F5: variants seen among roughly 807,000 people sequenced by gnomAD.
F5 encodes coagulation factor V.
Under a neutral mutation model 216.4 loss-of-function variants are expected in F5, and 138 were observed. The observed-to-expected ratio is 0.64, with a 90% CI of 0.56 to 0.73. The LOEUF (loss-of-function observed/expected upper bound fraction) is 0.73, where lower values mean the gene tolerates loss of function less well. Ranked by LOEUF, F5 falls within the 30% of genes least tolerant of loss-of-function variation. The pLI is 0.00. For synonymous variants in F5, 916 were observed against 930.7 expected, an observed-to-expected ratio of 0.98 and a Z score of 0.29; for missense variants, 2,403 against 2,674.0, an observed-to-expected ratio of 0.90 and a Z score of 2.24.
rs1295038542 is a variant in F5, at chr1:169,585,280, T to C, written c.158+949A>G. 2.6e-5 allele frequency among the ~76,000 whole-genome samples: 4 copies of C among 152,222 alleles called. No individual in the cohort carries two copies. The East Asian group carries it at 7.7e-4, about 29-fold the overall frequency. On this transcript the variant is annotated intron_variant, in intron 1 of 24. Transcript: ENST00000367797. ...ACAATGAGAGTTTTAAAAAGGTTAA[T>C]ATTATACACTAAAAGATCTCAAAAT...
chr1:169,580,149 T>C (rs80114822), intron 2 of F5, among the ~76,000 whole-genome samples: 225 of 152,288 alleles, frequency 1.5e-3, no homozygotes, highest in African/African-American at 5.1e-3. Flanking sequence ...TTTTCAGCTA[T>C]CAATCTAGAA....
chr1:169,537,333 A>G (rs1359990780), intron 13 of F5, among the ~76,000 whole-genome samples: 1 of 152,176 alleles, frequency 6.6e-6, no homozygotes, highest in Non-Finnish European at 1.5e-5. Flanking sequence ...AAGTCACTGG[A>G]TGGGTGAATG....
intron 12 of F5, among the ~76,000 whole-genome samples, chr1:169,543,916 C>T (rs1659933130): frequency 6.6e-6 from 1 of 152,198 alleles, no homozygotes; most frequent in South Asian, 2.1e-4. Flanking sequence ...GTTGCTGAAG[C>T]AGCCTTTAAG....
chr1:169,547,030 T>G (rs67790508), intron 10 of F5, among the ~76,000 whole-genome samples: 11,485 of 151,160 alleles, frequency 0.076, 1,538 homozygotes, highest in East Asian at 0.64. Context: ...TCGTGGCTTA[T>G]GCCTGTAATC....
At chr1:169,552,325 C>G (rs1361334680) in intron 8 of F5, among the ~76,000 whole-genome samples, 1 of 152,066 alleles carries the variant, frequency 6.6e-6, no homozygotes, top group Non-Finnish European at 1.5e-5. Context: ...GTATTCTATC[C>G]CAATTACATA....
In F5 at chr1:169,519,323, A is replaced by C. The variant is rs566607119; in HGVS notation, c.6194-760T>G. On this transcript the variant is annotated intron_variant, in intron 22 of 24. Coordinates refer to ENST00000367797, the MANE Select transcript of F5 (RefSeq NM_000130.5). ...CAAGAAAATGAATAAGAAGAAAATA[A>C]TGCTTCTTGTATAAAAAATAGATGT... 3.3e-5 allele frequency among the ~76,000 whole-genome samples: 5 copies of C among 152,332 alleles called. No homozygotes were observed. In the South Asian group the frequency reaches 8.3e-4, roughly 25 times the overall value.
At chr1:169,584,325 C>T (rs9332490) in intron 1 of F5, among the ~76,000 whole-genome samples, 4,573 of 152,160 alleles carry the variant, frequency 0.03, 222 homozygotes, top group African/African-American at 0.1. Flanking sequence ...ACAATGTGTA[C>T]GACGAGTTTT....
At chr1:169,521,471 G>T (rs953954523) in intron 21 of F5, among the ~76,000 whole-genome samples, 1 of 152,106 alleles carries the variant, frequency 6.6e-6, no homozygotes, top group Non-Finnish European at 1.5e-5. Context: ...CAGTAAACAG[G>T]CTGTGCCCTA....
chr1:169,572,597 T>C (rs995550281), intron 2 of F5, among the ~76,000 whole-genome samples: 1 of 152,240 alleles, frequency 6.6e-6, no homozygotes, highest in Admixed American at 6.5e-5. Flanking sequence ...GGAGAAATAG[T>C]TCTGGCCAAG....
intron 22 of F5, 57 bp downstream of exon 22, chr1:169,520,463 T>C: frequency 6.2e-7 from 1 of 1,607,278 alleles, no homozygotes; most frequent in Admixed American, 1.7e-5. Context: ...CTCCTATACC[T>C]CCCAAATCTT....
chr1:169,519,637 G>A (rs542725558), intron 22 of F5, among the ~76,000 whole-genome samples: 2 of 152,240 alleles, frequency 1.3e-5, no homozygotes, highest in East Asian at 3.9e-4. Flanking sequence ...GTGAATCATG[G>A]TGGCTTCTCT....
intron 14 of F5, among the ~76,000 whole-genome samples, chr1:169,533,216 C>T (rs144640738): frequency 6.6e-6 from 1 of 152,154 alleles, no homozygotes; most frequent in East Asian, 1.9e-4. Flanking sequence ...AACTGAACCC[C>T]AATGAATCCA....
At position 169,544,335 on chromosome 1, in the gene F5, T is replaced by C. The variant is rs1463587202; in HGVS notation, c.1936A>G (p.Met646Val). ...GTGACCGTCACAGATTCTCCACGCA[T>C]GGGGAAGAGGGTCAAGGTGTCCTCA... ...RHEDTLTLFP[M>V]RGESVTVTMD... The change falls in exon 12 of 25, where the codon ATG (methionine) becomes GTG (valine). Residue 646 changes from methionine to valine, a missense_variant. Met to Val is a conservative substitution (Grantham distance 21, BLOSUM62 1). Coordinates refer to ENST00000367797, the MANE Select transcript of F5 (RefSeq NM_000130.5). The C allele has an allele frequency of 6.8e-6, 11 of 1,613,976 alleles. No individual in the cohort carries two copies. The highest frequency in any genetic ancestry group is 9.3e-6 in the Non-Finnish European group (11 of 1,179,982).
intron 8 of F5, among the ~76,000 whole-genome samples, chr1:169,552,087 CATCTACTGT>C (rs1372718184): frequency 1.3e-5 from 2 of 152,074 alleles, no homozygotes; most frequent in African/African-American, 4.8e-5. Context: ...TCAAGGATGC[CATCTACTGT>C]ATCACTCAGC....
At position 169,529,815 on chromosome 1, in the gene F5, T is replaced by C. The variant is rs745751866; in HGVS notation, c.5212A>G (p.Lys1738Glu). 6 of 1,612,992 alleles carry C rather than the reference T, an allele frequency of 3.7e-6. No individual in the cohort carries two copies. Among genetic ancestry groups the C allele is most frequent in the Middle Eastern group, 1.6e-4 (1 of 6,074 alleles). The change falls in exon 16 of 25, where the codon AAA becomes GAA. Residue 1738 changes from lysine (K) to glutamate (E), a missense_variant. Physicochemically the swap from Lys to Glu is moderately conservative, Grantham distance 56. Around this residue, in one of 4 missense-constraint regions of F5, gnomAD observed 659 missense variants for 787.9 expected, o/e 0.84. Transcript: ENST00000367797. The stretch of plus-strand genomic sequence containing the variant: ...CCTATCAAGCCTGAGTGAATATCTT[T>C]TTCCTGGAAAAACAGAGTAAATTGT... ...WAYYSAVNPE[K>E]DIHSGLIGPL...
At chr1:169,559,123 T>C in intron 5 of F5, 30 bp downstream of exon 5, 1 of 1,613,176 alleles carries the variant, frequency 6.2e-7, no homozygotes, top group Non-Finnish European at 8.5e-7. Flanking sequence ...GATTTTACTG[T>C]TGTTTAATGG....
intron 3 of F5, among the ~76,000 whole-genome samples, chr1:169,564,971 A>G (rs1009282030): frequency 6.6e-6 from 1 of 151,924 alleles, no homozygotes; most frequent in East Asian, 1.9e-4. Context: ...TGTATGATTT[A>G]CCTCTACTTC....
intron 3 of F5, among the ~76,000 whole-genome samples, chr1:169,561,622 C>T (rs1160529465): frequency 2.0e-5 from 3 of 152,094 alleles, no homozygotes; most frequent in African/African-American, 7.2e-5. Context: ...TGAACAGTTT[C>T]CTCTGCCTGA....
chr1:169,520,707 T>C (rs371202073), intron 21 of F5, 43 bp from the exon 22 acceptor site: 2 of 1,543,726 alleles, frequency 1.3e-6, no homozygotes, highest in Non-Finnish European at 1.8e-6. Flanking sequence ...CAATGATCTA[T>C]AAAGTGACTT....
Sources: gnomAD v4.1 joint callset for allele counts (sites outside exome capture counted in the v4.1 genomes callset) on GRCh38, gnomAD v4.1.1 for gene constraint, gnomAD v4.1.1 regional missense constraint, MANE v1.5 for transcripts, NCBI Gene and HGNC (gene_info 2026-07-23, HGNC 2026-07-21) for gene names.